Variants in BICDL1 observed in about 807,000 individuals in gnomAD.
BICDL1 encodes the protein BICD family-like cargo adapter 1.
A neutral mutation model predicts 76.8 loss-of-function variants in BICDL1; 20 were observed. That is an observed-to-expected ratio of 0.26 (90% CI 0.18 to 0.38). BICDL1 has a LOEUF of 0.38. Among genes scored for constraint, BICDL1 ranks in the 10% least tolerant of loss-of-function variants. The pLI, the probability that BICDL1 is intolerant of heterozygous loss-of-function variation, is 1.00. For missense variants in BICDL1, 700 were observed against 798.6 expected, an observed-to-expected ratio of 0.88 and a Z score of 1.49; for synonymous variants, 383 against 337.1, an observed-to-expected ratio of 1.14 and a Z score of -1.49.
In BICDL1 at chr12:119,990,168, G is replaced by A. The variant is rs1262790314; in HGVS notation, c.300G>A (p.Leu100=). The A allele has an allele frequency of 1.3e-6, 2 of 1,553,010 alleles. No individual in the cohort carries two copies. Among genetic ancestry groups the A allele is most frequent in the African/African-American group, 1.4e-5 (1 of 73,224 alleles). Residue 100 remains leucine, a synonymous_variant, in exon 1 of 10, where the codon CTG becomes CTA. Coordinates refer to ENST00000548673, the MANE Select transcript of BICDL1 (RefSeq NM_001367886.1). ...QPPPSQDPEL[L]SVIRQKEKDL... is the part of the protein sequence containing the mutation. ...CGCCCTCCCAGGACCCCGAGCTGCT[G>A]TCGGTGATCCGACAGAAGGAGAAGG...
intron 2 of BICDL1, among the ~76,000 whole-genome samples, chr12:120,008,150 CTTTTTTTTTTTTTT>C (rs71072590): frequency 1.1e-4 from 7 of 61,716 alleles, no homozygotes; most frequent in African/African-American, 3.5e-4. Context: ...ATTACTCTTT[CTTTTTTTTTTTTTT>C]TTTTTTTTTT....
chr12:120,004,634 G>T (rs1420880256), intron 2 of BICDL1, among the ~76,000 whole-genome samples: 1 of 152,182 alleles, frequency 6.6e-6, no homozygotes, highest in African/African-American at 2.4e-5. Flanking sequence ...TTCAGGTGAA[G>T]CCAGGAAGTT....
intron 8 of BICDL1, among the ~76,000 whole-genome samples, chr12:120,087,752 C>A (rs953453716): frequency 6.6e-6 from 1 of 152,176 alleles, no homozygotes; most frequent in Non-Finnish European, 1.5e-5. Flanking sequence ...AATTAATTTT[C>A]TTTTGCATTG....
intron 2 of BICDL1, among the ~76,000 whole-genome samples, chr12:120,032,745 A>ATTTTTTTTTTTTTT (rs35727779): frequency 1.6e-5 from 2 of 124,486 alleles, no homozygotes; most frequent in African/African-American, 6.5e-5. Context: ...TACATCTATA[A>ATTTTTTTTTTTTTT]TTTTTTTTTT....
Position 119,990,176 on chromosome 12 carries a change from TC to T in BICDL1, c.310del (p.Arg104AspfsTer24). 1.3e-6 allele frequency: 2 copies of T among 1,554,404 alleles called. No individual in the cohort carries two copies. Among genetic ancestry groups the T allele is most frequent in the Non-Finnish European group, 8.7e-7 (1 of 1,149,338 alleles). On this transcript the variant is annotated frameshift_variant, in exon 1 of 10. Coordinates refer to ENST00000548673, the MANE Select transcript of BICDL1 (RefSeq NM_001367886.1). LOFTEE classifies it high-confidence loss of function. ...PSQDPELLSV[I>X]RQKEKDLVLA... is the part of the protein sequence containing the mutation. ...CAGGACCCCGAGCTGCTGTCGGTGA[TC>T]CGACAGAAGGAGAAGGATCTGGTGT...
chr12:119,989,923 G>A lies in BICDL1; in HGVS notation c.55G>A (p.Asp19Asn). 1 of 1,467,000 alleles carries A rather than the reference G, an allele frequency of 6.8e-7. No individual in the cohort carries two copies. Among genetic ancestry groups the A allele is most frequent in the Non-Finnish European group, 8.9e-7 (1 of 1,122,302 alleles). 90.9% of individuals were successfully genotyped at this position (1,467,000 alleles called of 1,614,324 possible). A position where few individuals can be genotyped will look rare whatever the true frequency, so the allele number is the denominator to read the frequency against. The change falls in exon 1 of 10, where the codon GAC becomes AAC. Residue 19 changes from aspartate to asparagine, a missense_variant. Asp to Asn is a conservative substitution (Grantham distance 23, BLOSUM62 1). This residue lies in a region of BICDL1 where 225 missense variants were observed against 199.6 expected (regional missense o/e 1.13). Transcript: ENST00000548673. ...VGRASAPAEP[D>N]SACCMELPAA... is the part of the protein sequence containing the mutation. ...CCGCGCTTCAGCACCCGCCGAGCCGGACAGCGCCTGCTGCATGGAGCTGCC... is the reference window on the plus strand; with the variant it reads ...CCGCGCTTCAGCACCCGCCGAGCCGAACAGCGCCTGCTGCATGGAGCTGCC...
At chr12:120,068,867 T>C (rs1230628511) in intron 4 of BICDL1, among the ~76,000 whole-genome samples, 3 of 151,948 alleles carry the variant, frequency 2.0e-5, no homozygotes, top group Non-Finnish European at 4.4e-5. Flanking sequence ...AGTAGTAACC[T>C]CCCCAGAGAG....
At position 120,026,521 on chromosome 12, in the gene BICDL1, T is replaced by A. The variant is rs549917346; in HGVS notation, c.645+27785T>A. The stretch of plus-strand genomic sequence containing the variant: ...TGGAAGATAAAATGGAACCGAAGGC[T>A]TTGCCAAGTCTAGACCAACAGGAGC... On this transcript the variant is annotated intron_variant, in intron 2 of 9. Coordinates refer to ENST00000548673, the MANE Select transcript of BICDL1 (RefSeq NM_001367886.1). Among the ~76,000 whole-genome samples, 4 of 152,282 alleles carry A rather than the reference T, an allele frequency of 2.6e-5. No individual in the cohort carries two copies. In the South Asian group the frequency reaches 8.3e-4, roughly 32 times the overall value.
At chr12:120,087,001 C>A (rs1874471584) in intron 8 of BICDL1, among the ~76,000 whole-genome samples, 1 of 152,176 alleles carries the variant, frequency 6.6e-6, no homozygotes, top group Non-Finnish European at 1.5e-5. Context: ...AGCCCTGGGC[C>A]CATCTGTCCC....
rs1454272554 is a variant in BICDL1, at chr12:120,074,465, A to T, written c.1331A>T (p.Asp444Val). The stretch of plus-strand genomic sequence containing the variant: ...CAGGGCTCCCGGAGACTTGATGATG[A>T]CTCCTTAGAAGAACAGATAAGGCAG... Reference protein sequence around the residue: ...EPTGSRRLDDDSLEEQIRQTS... With the variant: ...EPTGSRRLDDVSLEEQIRQTS... The change falls in exon 7 of 10, where the codon GAC becomes GTC. Residue 444 changes from aspartate (D) to valine (V), a missense_variant. Asp to Val is a radical substitution (Grantham distance 152, BLOSUM62 -3). This residue lies in a region of BICDL1 where 455 missense variants were observed against 548.7 expected (regional missense o/e 0.83). Coordinates refer to ENST00000548673, the MANE Select transcript of BICDL1 (RefSeq NM_001367886.1). The T allele has an allele frequency of 2.3e-5, 28 of 1,238,304 alleles. No homozygotes were observed. Among genetic ancestry groups the T allele is most frequent in the Non-Finnish European group, 2.9e-5 (28 of 964,882 alleles). 76.7% of individuals were successfully genotyped at this position (1,238,304 alleles called of 1,614,324 possible).
intron 4 of BICDL1, among the ~76,000 whole-genome samples, chr12:120,068,383 A>C (rs953118907): frequency 6.6e-6 from 1 of 152,238 alleles, no homozygotes; most frequent in Non-Finnish European, 1.5e-5. Flanking sequence ...ACAGATAGGA[A>C]GAGTAGGAAG....
rs1875161214 is a variant in BICDL1, at chr12:120,093,462, TG to T, written c.*304del. 2.5e-6 allele frequency: 1 copy of T among 392,934 alleles called. No individual in the cohort carries two copies. The highest frequency in any genetic ancestry group is 4.1e-5 in the Admixed American group (1 of 24,510). 24.3% of individuals were successfully genotyped at this position (392,934 alleles called of 1,614,324 possible). A position where few individuals can be genotyped will look rare whatever the true frequency, so the allele number is the denominator to read the frequency against. On this transcript the variant is annotated 3_prime_UTR_variant, in exon 10 of 10. Transcript: ENST00000548673. ...ACCTCCCAGAGGGGCCCCTTGGTGT[TG>T]GGCTTTGCAGCTCACACCCAACAGA...
intron 2 of BICDL1, among the ~76,000 whole-genome samples, chr12:120,046,103 C>T (rs191061881): frequency 2.1e-3 from 322 of 152,152 alleles, no homozygotes; most frequent in Non-Finnish European, 3.5e-3. Flanking sequence ...TTTTCATATC[C>T]ACTCTCCCCC....
intron 4 of BICDL1, among the ~76,000 whole-genome samples, chr12:120,065,379 A>G (rs1485409187): frequency 6.6e-6 from 1 of 152,188 alleles, no homozygotes; most frequent in Non-Finnish European, 1.5e-5. Context: ...AAAGGCATAG[A>G]CTGACCCCTT....
chr12:120,040,417 T>C (rs1389149832), intron 2 of BICDL1, among the ~76,000 whole-genome samples: 1 of 151,898 alleles, frequency 6.6e-6, no homozygotes, highest in Non-Finnish European at 1.5e-5. Context: ...TTCTTTTCTT[T>C]TCTTTTTGTT....
chr12:120,085,500 C>T (rs920911895), intron 8 of BICDL1, among the ~76,000 whole-genome samples: 5 of 152,086 alleles, frequency 3.3e-5, no homozygotes, highest in South Asian at 4.1e-4. Flanking sequence ...AGATGCTTAT[C>T]GTGGAAGTCC....
At position 119,989,831 on chromosome 12, in the gene BICDL1, G is replaced by T. The variant is rs1387538749; in HGVS notation, c.-38G>T. ...CCCCCCTGCAGCCTGGCGCGCGCGGGCCGGGCCGCACCGCTGCGGGCTCCG... is the reference window on the plus strand; with the variant it reads ...CCCCCCTGCAGCCTGGCGCGCGCGGTCCGGGCCGCACCGCTGCGGGCTCCG... On this transcript the variant is annotated 5_prime_UTR_variant, in exon 1 of 10. Coordinates refer to ENST00000548673, the MANE Select transcript of BICDL1 (RefSeq NM_001367886.1). The T allele has an allele frequency of 1.0e-4, 116 of 1,162,024 alleles. No individual in the cohort carries two copies. The highest frequency in any genetic ancestry group is 1.1e-4 in the Non-Finnish European group (103 of 941,458). 72.0% of individuals were successfully genotyped at this position (1,162,024 alleles called of 1,614,324 possible). A position where few individuals can be genotyped will look rare whatever the true frequency, so the allele number is the denominator to read the frequency against.
intron 2 of BICDL1, among the ~76,000 whole-genome samples, chr12:119,999,283 C>G (rs1951714573): frequency 6.6e-6 from 1 of 152,050 alleles, no homozygotes; most frequent in Non-Finnish European, 1.5e-5. Flanking sequence ...TGGGAGTTTT[C>G]TCATTTTTAA....
intron 8 of BICDL1, among the ~76,000 whole-genome samples, chr12:120,089,421 T>C (rs1405697969): frequency 1.3e-5 from 2 of 152,092 alleles, no homozygotes; most frequent in African/African-American, 2.4e-5. Flanking sequence ...GTTCTGCTCT[T>C]TTTGCCCAGG....
Sources: allele counts gnomAD v4.1 joint callset (sites outside exome capture counted in the v4.1 genomes callset), GRCh38; gene constraint gnomAD v4.1.1; regional missense constraint gnomAD v4.1.1; transcripts MANE v1.5; gene names NCBI Gene and HGNC (gene_info 2026-07-23, HGNC 2026-07-21).